The following ABCC5 variants were observed in gnomAD, a reference collection of about 807,000 sequenced individuals.
The protein encoded by ABCC5 is ATP-binding cassette sub-family C member 5.
ABCC5 carries 61 observed loss-of-function variants against 160.9 expected under a neutral mutation model. The ratio of observed to expected loss-of-function variants is 0.38; its 90% CI spans 0.31 to 0.47. The LOEUF is 0.47. ABCC5 is among the 20% of genes least tolerant of loss of function. ABCC5 has a pLI of 0.99. For synonymous variants in ABCC5, 666 were observed against 700.6 expected (o/e 0.95, Z 0.78); for missense variants, 1,308 against 1,813.3 (o/e 0.72, Z 5.06).
intron 5 of ABCC5, chr3:183,985,186 G>T: frequency 9.9e-7 from 1 of 1,008,904 alleles, no homozygotes; most frequent in Non-Finnish European, 1.5e-6. Context: ...CCAAAATTTA[G>T]TTTTTAAAAA....
intron 25 of ABCC5, among the ~76,000 whole-genome samples, chr3:183,939,739 T>C (rs1714105818): frequency 6.6e-6 from 1 of 152,222 alleles, no homozygotes; most frequent in Non-Finnish European, 1.5e-5. Flanking sequence ...GAAAAGAAGT[T>C]TGCCATAGTC....
In ABCC5 at chr3:183,951,770, C is replaced by T; in HGVS notation, c.2814+87G>A. The T allele has an allele frequency of 6.5e-7, 1 of 1,545,568 alleles. No homozygotes were observed. The highest frequency in any genetic ancestry group is 8.8e-7 in the Non-Finnish European group (1 of 1,137,896). ...GGCCATCCTGGTTAAGGGAGCTCCC[C>T]TACTCAGCATGAACTGAGAGACGCC... is the stretch of plus-strand genomic sequence containing the variant. On this transcript the variant is annotated intron_variant, in intron 19 of 29. Coordinates refer to ENST00000334444, the MANE Select transcript of ABCC5 (RefSeq NM_005688.4). This position sits in a 1 kb window ranked among gnomAD's most constrained non-coding sequence, Gnocchi z 4.7.
chr3:183,932,378 C>T (rs965471991), intron 26 of ABCC5, among the ~76,000 whole-genome samples: 15 of 151,934 alleles, frequency 9.9e-5, no homozygotes, highest in Admixed American at 1.3e-4. Context: ...TTTCTTTTTT[C>T]GTTTTTGAGA....
At chr3:183,938,462 A>G (rs959843643) in intron 25 of ABCC5, among the ~76,000 whole-genome samples, 1 of 151,964 alleles carries the variant, frequency 6.6e-6, no homozygotes, top group East Asian at 1.9e-4. Flanking sequence ...CCATGCCCAG[A>G]TAATTTTTGT....
Position 183,958,210 on chromosome 3 carries a change from T to C in ABCC5, c.2482+1523A>G, listed in dbSNP as rs1255415851. On this transcript the variant is annotated intron_variant, in intron 17 of 29. Coordinates refer to ENST00000334444, the MANE Select transcript of ABCC5 (RefSeq NM_005688.4). ...GTTACATGCTTATCCGTGTGTATAT[T>C]ACATCTGTTACATGCAGATCCATGT... Among the ~76,000 whole-genome samples, 3 of 152,004 alleles carry C rather than the reference T, an allele frequency of 2.0e-5. No homozygotes were observed. The East Asian group carries it at 5.8e-4, about 29-fold the overall frequency.
Position 183,955,874 on chromosome 3 carries a change from T to C in ABCC5, c.2483-2604A>G, listed in dbSNP as rs141699310. 1.6e-3 allele frequency among the ~76,000 whole-genome samples: 179 copies of C among 111,566 alleles called. 10 individuals carry two copies. Among genetic ancestry groups the C allele is most frequent in the Middle Eastern group, 0.013 (2 of 150 alleles). 73.2% of individuals were successfully genotyped at this position (111,566 alleles called of 152,430 possible). A position where few individuals can be genotyped will look rare whatever the true frequency, so the allele number is the denominator to read the frequency against. On this transcript the variant is annotated intron_variant, in intron 17 of 29. Transcript: ENST00000334444. ...GTTACATGCAGATCCGTGTGTATAT[T>C]ACATCTGTTATATGCAGATCCATGT...
At chr3:183,971,503 G>A in intron 11 of ABCC5, 60 bp downstream of exon 11, 1 of 1,490,832 alleles carries the variant, frequency 6.7e-7, no homozygotes, top group East Asian at 2.3e-5. Context: ...CCGCCTATTG[G>A]TGGCAGATCA....
chr3:183,965,428 T>C lies in ABCC5; in HGVS notation c.1907A>G (p.Asn636Ser), dbSNP rs747031919. The change falls in exon 13 of 30, where the codon AAT (asparagine) becomes AGT (serine). Residue 636 changes from asparagine to serine, a missense_variant. Transcript: ENST00000334444. Reference protein sequence around the residue: ...AYVAQQAWILNATLRDNILFG... With the variant: ...AYVAQQAWILSATLRDNILFG... ...CAGGATGTTGTCTCTCAGAGTAGCATTGAGGATCCAGGCCTGCTGGGCCAC... is the reference window on the plus strand; with the variant it reads ...CAGGATGTTGTCTCTCAGAGTAGCACTGAGGATCCAGGCCTGCTGGGCCAC... 197 of 1,613,830 alleles carry C rather than the reference T, an allele frequency of 1.2e-4. No homozygotes were observed. The highest frequency in any genetic ancestry group is 8.5e-4 in the Admixed American group (51 of 60,000).
intron 18 of ABCC5, among the ~76,000 whole-genome samples, chr3:183,952,580 T>G (rs150237713): frequency 1.3e-5 from 2 of 152,262 alleles, no homozygotes; most frequent in South Asian, 2.1e-4. Context: ...GATTCCCCCA[T>G]GCTATTCTTG....
chr3:183,956,887 C>T (rs113617639), intron 17 of ABCC5, among the ~76,000 whole-genome samples: 1 of 95,456 alleles, frequency 1.0e-5, no homozygotes, highest in Admixed American at 1.1e-4. Flanking sequence ...CATGCAGATC[C>T]GTGTGTATAT....
At position 183,978,394 on chromosome 3, in the gene ABCC5, T is replaced by A. The variant is rs1230894872; in HGVS notation, c.1296+109A>T. Reference sequence around the variant, plus strand: ...CCCAGGCTGGAGTGCAATGGCATGATCTTGGCTCACTGTAACCTCCACCAC... The same window carrying A: ...CCCAGGCTGGAGTGCAATGGCATGAACTTGGCTCACTGTAACCTCCACCAC... On this transcript the variant is annotated intron_variant, in intron 9 of 29. Coordinates refer to ENST00000334444, the MANE Select transcript of ABCC5 (RefSeq NM_005688.4). 6.7e-6 allele frequency: 9 copies of A among 1,339,280 alleles called. No homozygotes were observed. The Admixed American group carries it at 1.4e-4, about 21-fold the overall frequency. 83.0% of individuals were successfully genotyped at this position (1,339,280 alleles called of 1,614,324 possible). A position where few individuals can be genotyped will look rare whatever the true frequency, so the allele number is the denominator to read the frequency against.
rs200810558 is a variant in ABCC5 at position 183,988,656 on chromosome 3, C to T, written c.359G>A (p.Arg120His). 4.0e-5 allele frequency: 65 copies of T among 1,614,200 alleles called. No homozygotes were observed. The East Asian group carries it at 9.8e-4, about 24-fold the overall frequency. Residue 120 changes from arginine to histidine, a missense_variant, in exon 4 of 30, where the codon CGT becomes CAT. Arg to His is a conservative substitution (Grantham distance 29, BLOSUM62 0). Transcript: ENST00000334444. The surrounding 1 kb of genome is among the most constrained non-coding windows in gnomAD (Gnocchi z 4.4). ...MTFSWLSSLA[R>H]VAHKKGELSM... ...GAGCTCCCCCTTCTTGTGGGCCACA[C>T]GGGCCAGAGAAGAAAGCCACGAAAA...
chr3:184,009,561 C>T (rs1721521517), intron 2 of ABCC5, among the ~76,000 whole-genome samples: 1 of 152,168 alleles, frequency 6.6e-6, no homozygotes, highest in Non-Finnish European at 1.5e-5. Flanking sequence ...CTTCTGTCAG[C>T]AAACTTGTAA....
chr3:183,923,644 C>T (rs1289899380), intron 29 of ABCC5, among the ~76,000 whole-genome samples: 2 of 152,094 alleles, frequency 1.3e-5, no homozygotes, highest in Non-Finnish European at 2.9e-5. Context: ...AAAAGAATTT[C>T]CCAGAAGATG....
chr3:183,926,980 G>A (rs1372640392), intron 28 of ABCC5, among the ~76,000 whole-genome samples: 7 of 152,126 alleles, frequency 4.6e-5, no homozygotes, highest in Admixed American at 3.3e-4. Context: ...GGGAGGTGGA[G>A]GTTGCAGTGA....
At chr3:183,955,074 A>G (rs1715744262) in intron 17 of ABCC5, among the ~76,000 whole-genome samples, 1 of 152,154 alleles carries the variant, frequency 6.6e-6, no homozygotes, top group African/African-American at 2.4e-5. Context: ...GGTTCTTGTC[A>G]TGTAGATGAA....
chr3:183,990,116 A>T (rs1208481029), intron 2 of ABCC5, among the ~76,000 whole-genome samples: 2 of 123,774 alleles, frequency 1.6e-5, no homozygotes, highest in East Asian at 5.0e-4. Flanking sequence ...TTTTTATTTT[A>T]TTTTATTTTT....
chr3:184,012,623 A>G (rs1246318578), intron 2 of ABCC5, among the ~76,000 whole-genome samples: 4 of 152,202 alleles, frequency 2.6e-5, no homozygotes, highest in Admixed American at 2.6e-4. Flanking sequence ...CCCTGCCCCA[A>G]TGTTACCTTC....
intron 24 of ABCC5, among the ~76,000 whole-genome samples, chr3:183,945,247 G>C (rs973510024): frequency 3.9e-5 from 6 of 152,226 alleles, no homozygotes; most frequent in African/African-American, 1.4e-4. Flanking sequence ...TTGTTTAAGA[G>C]TGCCAGTTAG....
Sources: allele counts gnomAD v4.1 joint callset (sites outside exome capture counted in the v4.1 genomes callset), GRCh38; gene constraint gnomAD v4.1.1; non-coding constraint Gnocchi (gnomAD v3.1); transcripts MANE v1.5; gene names NCBI Gene and HGNC (gene_info 2026-07-23, HGNC 2026-07-21).